The following RNF130 variants were observed in gnomAD, a reference collection of about 807,000 sequenced individuals.
RNF130 encodes ring finger protein 130, also known as E3 ubiquitin-protein ligase RNF130.
In RNF130, 21 loss-of-function variants were observed where a neutral mutation model predicts 44.6. That is an observed-to-expected ratio of 0.47 (90% confidence interval 0.33 to 0.68). The LOEUF is 0.68. RNF130 is among the 30% of genes least tolerant of loss of function. The pLI, the probability that RNF130 is intolerant of heterozygous loss-of-function variation, is 0.02. For missense variants in RNF130, 479 were observed against 560.6 expected, an observed-to-expected ratio of 0.85 and a Z score of 1.47; for synonymous variants, 214 against 210.4, an observed-to-expected ratio of 1.02 and a Z score of -0.15.
intron 2 of RNF130, among the ~76,000 whole-genome samples, chr5:180,018,385 C>T (rs968701229): frequency 1.3e-5 from 2 of 152,062 alleles, no homozygotes; most frequent in South Asian, 4.1e-4. Flanking sequence ...AGGAAACTTA[C>T]AATCATGGCA....
At chr5:180,040,700 T>C in intron 1 of RNF130, 53 bp from the exon 2 acceptor site, 1 of 1,512,524 alleles carries the variant, frequency 6.6e-7, no homozygotes, top group African/African-American at 1.4e-5. Flanking sequence ...TGACCAAGTC[T>C]TTATCAAAGT....
At chr5:180,034,892 A>G (rs1238195612) in intron 2 of RNF130, among the ~76,000 whole-genome samples, 1 of 152,180 alleles carries the variant, frequency 6.6e-6, no homozygotes, top group African/African-American at 2.4e-5. Context: ...GTTTCTGTAG[A>G]GTCAGTAGTG....
At chr5:179,920,296 C>G in exon 8 of RNF130, 1 of 689,208 alleles carries the variant, frequency 1.5e-6, no homozygotes, top group Non-Finnish European at 2.7e-6. Flanking sequence ...GTGACCCCAA[C>G]AGCCAGGCCA....
intron 8 of RNF130, among the ~76,000 whole-genome samples, chr5:179,961,431 G>A (rs947023046): frequency 6.6e-6 from 1 of 152,150 alleles, no homozygotes; most frequent in Non-Finnish European, 1.5e-5. Context: ...TAGATTCTGA[G>A]TCATGCAGGT....
chr5:179,976,280 CT>C (rs1209351967), intron 5 of RNF130, among the ~76,000 whole-genome samples: 1 of 152,248 alleles, frequency 6.6e-6, no homozygotes, highest in African/African-American at 2.4e-5. Flanking sequence ...CGAGCCTCCC[CT>C]GAGGGAAGAT....
At chr5:179,988,669 T>C (rs1176422858) in intron 3 of RNF130, among the ~76,000 whole-genome samples, 3 of 152,238 alleles carry the variant, frequency 2.0e-5, no homozygotes, top group Non-Finnish European at 4.4e-5. Context: ...ATGGCAGTGA[T>C]CATGTTGTTT....
rs138384972 is a variant in RNF130 at position 179,943,640 on chromosome 5, C to T, written c.1150+23166G>A. Among the ~76,000 whole-genome samples the T allele has an allele frequency of 9.8e-5, 15 of 152,302 alleles. No homozygotes were observed. The East Asian group carries it at 2.9e-3, about 29-fold the overall frequency. On this transcript the variant is annotated intron_variant, in intron 7 of 7. Coordinates refer to the RNF130 transcript ENST00000522208. The stretch of plus-strand genomic sequence containing the variant: ...TATTTCATACACAGAAAAGGTGAGG[C>T]TCAGAGAGATAAAATAACTTACTCA...
chr5:179,946,711 G>A (rs904544018), intron 7 of RNF130, among the ~76,000 whole-genome samples: 4 of 150,658 alleles, frequency 2.7e-5, no homozygotes, highest in Non-Finnish European at 5.9e-5. Context: ...CCGCCACCAC[G>A]CCCGGCTAAT....
chr5:179,967,588 C>G (rs1166401371), intron 6 of RNF130, among the ~76,000 whole-genome samples: 1 of 152,110 alleles, frequency 6.6e-6, no homozygotes. Flanking sequence ...AGGTATAGAG[C>G]TGCTTGGGGC....
At chr5:180,025,083 G>A (rs992151352) in intron 2 of RNF130, among the ~76,000 whole-genome samples, 10 of 152,150 alleles carry the variant, frequency 6.6e-5, no homozygotes, top group African/African-American at 2.2e-4. Context: ...ATCCTGAATC[G>A]AGAAGCACTG....
At position 180,071,677 on chromosome 5, in the gene RNF130, G is replaced by C; in HGVS notation, c.26C>G (p.Pro9Arg). The change falls in exon 1 of 9, where the codon CCT becomes CGT. Residue 9 changes from proline to arginine, a missense_variant. Coordinates refer to ENST00000521389, the MANE Select transcript of RNF130 (RefSeq NM_018434.6). ...CAGGGCGAGCGCGGCGAGCCGGGCA[G>C]GGCCCGCCCGCCCCGCGCAGCTCAT... is the stretch of plus-strand genomic sequence containing the variant. MSCAGRAG[P>R]ARLAALALLT... 3 of 1,407,598 alleles carry C rather than the reference G, an allele frequency of 2.1e-6. No individual in the cohort carries two copies. Among genetic ancestry groups the C allele is most frequent in the Non-Finnish European group, 2.8e-6 (3 of 1,076,358 alleles). 87.2% of individuals were successfully genotyped at this position (1,407,598 alleles called of 1,614,324 possible).
At chr5:180,058,531 G>A (rs1764891886) in intron 1 of RNF130, among the ~76,000 whole-genome samples, 2 of 152,062 alleles carry the variant, frequency 1.3e-5, no homozygotes, top group Non-Finnish European at 2.9e-5. Context: ...AGGGGGTAAT[G>A]GAGTCTTGTC....
chr5:179,976,688 T>G (rs2113714517), intron 5 of RNF130: 1 of 150,454 alleles, frequency 6.6e-6, no homozygotes, highest in East Asian at 1.9e-4. Flanking sequence ...CTTCTTCAGT[T>G]TGATTTTTTT....
At chr5:179,973,271 G>A (rs749045626) in intron 5 of RNF130, among the ~76,000 whole-genome samples, 6 of 151,992 alleles carry the variant, frequency 3.9e-5, no homozygotes, top group Non-Finnish European at 7.4e-5. Context: ...TTCACCCATG[G>A]CCCTCCTCTC....
At chr5:180,013,368 A>G in intron 2 of RNF130, 57 bp from the exon 3 acceptor site, 1 of 1,448,394 alleles carries the variant, frequency 6.9e-7, no homozygotes. Context: ...TGGAAACATC[A>G]AATGTATCAA....
chr5:179,928,499 G>A (rs1761739544), intron 7 of RNF130, among the ~76,000 whole-genome samples: 1 of 152,060 alleles, frequency 6.6e-6, no homozygotes, highest in Non-Finnish European at 1.5e-5. Context: ...GCTCTGAAAT[G>A]TCTCTTTGTT....
chr5:179,953,753 A>G (rs1762160678), downstream of RNF130, among the ~76,000 whole-genome samples: 1 of 152,222 alleles, frequency 6.6e-6, no homozygotes, highest in African/African-American at 2.4e-5. Context: ...AGGAAAAATA[A>G]ACATATTCAA....
chr5:179,953,025 G>C (rs1433449485), downstream of RNF130, among the ~76,000 whole-genome samples: 1 of 151,968 alleles, frequency 6.6e-6, no homozygotes, highest in Non-Finnish European at 1.5e-5. Context: ...AAATAAATAA[G>C]CATCCAGATT....
intron 7 of RNF130, among the ~76,000 whole-genome samples, chr5:179,932,603 C>T (rs1044763940): frequency 3.3e-5 from 5 of 151,730 alleles, no homozygotes; most frequent in East Asian, 2.0e-4. Context: ...TTTGGGAGGC[C>T]GAGATGGATG....
Sources: gnomAD v4.1 joint callset for allele counts (sites outside exome capture counted in the v4.1 genomes callset) on GRCh38, gnomAD v4.1.1 for gene constraint, MANE v1.5 for transcripts, NCBI Gene and HGNC (gene_info 2026-07-23, HGNC 2026-07-21) for gene names.